The following TBX15 variants were observed in gnomAD, a reference collection of about 807,000 sequenced individuals.
TBX15 encodes the protein T-box transcription factor TBX15.
TBX15 carries 18 observed loss-of-function variants against 53.9 expected under a neutral mutation model. That is an observed-to-expected ratio of 0.33 (90% CI 0.23 to 0.49). The LOEUF is 0.49. Among genes scored for constraint, TBX15 ranks in the 20% least tolerant of loss-of-function variants. The pLI is 0.98. For synonymous variants in TBX15, 295 were observed against 278.0 expected, an observed-to-expected ratio of 1.06 and a Z score of -0.61; for missense variants, 692 against 749.5, an observed-to-expected ratio of 0.92 and a Z score of 0.90.
chr1:118,895,849 A>G (rs376984298), intron 7 of TBX15, among the ~76,000 whole-genome samples: 13 of 152,360 alleles, frequency 8.5e-5, no homozygotes, highest in East Asian at 5.8e-4. Context: ...TGGAAAATTA[A>G]AGCTGTAGTA....
chr1:118,965,414 G>A (rs576229702), intron 1 of TBX15, among the ~76,000 whole-genome samples: 39 of 152,270 alleles, frequency 2.6e-4, no homozygotes, highest in African/African-American at 9.4e-4. Flanking sequence ...AGGTAGCAAA[G>A]ACAAAAATAT....
intron 1 of TBX15, among the ~76,000 whole-genome samples, chr1:118,953,377 T>G (rs1405856756): frequency 1.3e-5 from 2 of 152,216 alleles, no homozygotes. Context: ...GAATTCCAAC[T>G]GCTCCACATC....
intron 1 of TBX15, among the ~76,000 whole-genome samples, chr1:118,975,610 G>A (rs1182064803): frequency 6.6e-6 from 1 of 152,180 alleles, no homozygotes; most frequent in African/African-American, 2.4e-5. Context: ...AACTGTGGGT[G>A]AGCTATTTAA....
At chr1:118,950,116 A>G (rs1475688671) in intron 1 of TBX15, among the ~76,000 whole-genome samples, 1 of 152,222 alleles carries the variant, frequency 6.6e-6, no homozygotes, top group African/African-American at 2.4e-5. Flanking sequence ...TGGCTACATG[A>G]CACAGCTCAG....
At chr1:118,936,343 C>T (rs1655964711) in intron 1 of TBX15, among the ~76,000 whole-genome samples, 1 of 152,132 alleles carries the variant, frequency 6.6e-6, no homozygotes, top group South Asian at 2.1e-4. Flanking sequence ...CCAAATTAGA[C>T]ATTTTAAAAG....
intron 1 of TBX15, among the ~76,000 whole-genome samples, chr1:118,973,565 G>A (rs1303372152): frequency 6.6e-6 from 1 of 151,994 alleles, no homozygotes; most frequent in Non-Finnish European, 1.5e-5. Context: ...TTCATTCTCA[G>A]CACTGGCCAG....
rs1388816710 is a variant in TBX15 at position 118,987,879 on chromosome 1, C to T, written c.-84G>A. On this transcript the variant is annotated 5_prime_UTR_variant, in exon 1 of 8. Coordinates refer to ENST00000369429, the MANE Select transcript of TBX15 (RefSeq NM_001330677.2). ...CCTCAAGCTCTGAGCGCCCACCGGG[C>T]CCGGCCCGGGAGAGGCGGAGGCGCG... The T allele has an allele frequency of 4.0e-6, 6 of 1,510,858 alleles. No homozygotes were observed. The African/African-American group carries it at 7.0e-5, about 18-fold the overall frequency. The allele number at this position is 1,510,858 out of a possible 1,614,324, so 93.6% of individuals were successfully genotyped here. A position where few individuals can be genotyped will look rare whatever the true frequency, so the allele number is the denominator to read the frequency against.
intron 1 of TBX15, among the ~76,000 whole-genome samples, chr1:118,971,579 T>A (rs1657237365): frequency 6.6e-6 from 1 of 152,200 alleles, no homozygotes; most frequent in Non-Finnish European, 1.5e-5. Flanking sequence ...AAGTTATAAT[T>A]CAAGGAAAAA....
intron 6 of TBX15, among the ~76,000 whole-genome samples, chr1:118,911,834 T>C (rs1195843821): frequency 2.0e-5 from 3 of 152,186 alleles, no homozygotes; most frequent in Admixed American, 6.5e-5. Context: ...GAGTGCATAG[T>C]TGGTAGCTTC....
chr1:118,899,009 C>G lies in TBX15; in HGVS notation c.1024+19G>C. 6.2e-7 allele frequency: 1 copy of G among 1,612,686 alleles called. No individual in the cohort carries two copies. The highest frequency in any genetic ancestry group is 1.3e-5 in the African/African-American group (1 of 74,996). On this transcript the variant is annotated intron_variant, in intron 7 of 7. Coordinates refer to ENST00000369429, the MANE Select transcript of TBX15 (RefSeq NM_001330677.2). The stretch of plus-strand genomic sequence containing the variant: ...CCCTGGCCCTATCACTAAGCAGAGG[C>G]CTTGCTCCAGGGCTTTACCTTGCTG...
chr1:118,942,127 T>A (rs1656196333), intron 1 of TBX15, among the ~76,000 whole-genome samples: 1 of 152,206 alleles, frequency 6.6e-6, no homozygotes, highest in African/African-American at 2.4e-5. Flanking sequence ...GTCCAGGGAT[T>A]TTTTCTGGGC....
At chr1:118,969,304 G>T (rs1360365324) in intron 1 of TBX15, among the ~76,000 whole-genome samples, 2 of 152,184 alleles carry the variant, frequency 1.3e-5, no homozygotes, top group Non-Finnish European at 1.5e-5. Context: ...TCAAGGCAGT[G>T]ACCTTCTGGG....
At chr1:118,976,976 C>T (rs775443557) in intron 1 of TBX15, among the ~76,000 whole-genome samples, 4 of 152,168 alleles carry the variant, frequency 2.6e-5, no homozygotes, top group African/African-American at 7.2e-5. Context: ...GAATAATAGG[C>T]TTTGTGCTAA....
At chr1:118,956,755 A>G (rs936513925) in intron 1 of TBX15, among the ~76,000 whole-genome samples, 1 of 151,522 alleles carries the variant, frequency 6.6e-6, no homozygotes, top group Non-Finnish European at 1.5e-5. Flanking sequence ...GATCGAGACC[A>G]TCCTGGCTAA....
chr1:118,951,856 G>A (rs960100094), intron 1 of TBX15, among the ~76,000 whole-genome samples: 1 of 152,188 alleles, frequency 6.6e-6, no homozygotes, highest in Non-Finnish European at 1.5e-5. Flanking sequence ...CCATCCCTGG[G>A]CAAGGGTGGG....
chr1:118,983,489 GC>G (rs1657713188), intron 1 of TBX15, among the ~76,000 whole-genome samples: 1 of 152,060 alleles, frequency 6.6e-6, no homozygotes, highest in Non-Finnish European at 1.5e-5. Context: ...GCAGAAAAAG[GC>G]CCTTGGCGGT....
At chr1:118,954,251 T>C (rs544865363) in intron 1 of TBX15, among the ~76,000 whole-genome samples, 373 of 152,084 alleles carry the variant, frequency 2.5e-3, no homozygotes, top group Middle Eastern at 6.8e-3. Flanking sequence ...AAGCTTGGAG[T>C]GGGTGGCATA....
intron 4 of TBX15, 113 bp downstream of exon 4, chr1:118,924,533 A>T (rs1655530488): frequency 8.0e-7 from 1 of 1,243,974 alleles, no homozygotes; most frequent in African/African-American, 1.5e-5. Context: ...AAAATTACTT[A>T]AAGTGGCATA....
rs537913525 is a variant in TBX15, at chr1:118,909,219, G to T, written c.926+4896C>A. On this transcript the variant is annotated intron_variant, in intron 6 of 7. Transcript: ENST00000369429. ...AAGCTCAGAATCTATTCTGTGGAAG[G>T]CACAGGAGCCTAATGCCATGGAGAC... is the stretch of plus-strand genomic sequence containing the variant. 8.5e-5 allele frequency among the ~76,000 whole-genome samples: 13 copies of T among 152,332 alleles called. No individual in the cohort carries two copies. In the South Asian group the frequency reaches 1.5e-3, roughly 17 times the overall value.
Sources: allele counts gnomAD v4.1 joint callset (sites outside exome capture counted in the v4.1 genomes callset), GRCh38; gene constraint gnomAD v4.1.1; transcripts MANE v1.5; gene names NCBI Gene and HGNC (gene_info 2026-07-23, HGNC 2026-07-21).